Variants in PTGIS observed in about 807,000 individuals in gnomAD.
The protein encoded by PTGIS is prostaglandin I2 synthase.
PTGIS carries 45 observed loss-of-function variants against 50.3 expected under a neutral mutation model. The ratio of observed to expected loss-of-function variants is 0.90; its 90% CI spans 0.70 to 1.15. The LOEUF (loss-of-function observed/expected upper bound fraction) is 1.15, where lower values mean the gene tolerates loss of function less well. Ranked by LOEUF, PTGIS falls within the 50% of genes most tolerant of loss-of-function variation. The pLI is 0.00. For synonymous variants in PTGIS, 260 were observed against 267.7 expected (o/e 0.97, Z 0.28); for missense variants, 668 against 661.3 (o/e 1.01, Z -0.11).
chr20:49,542,080 G>GA (rs1982245790), intron 4 of PTGIS, among the ~76,000 whole-genome samples: 1 of 152,190 alleles, frequency 6.6e-6, no homozygotes, highest in Admixed American at 6.5e-5. Context: ...CAAGGGAACA[G>GA]AAATAGCAAA....
intron 1 of PTGIS, among the ~76,000 whole-genome samples, chr20:49,557,912 C>G (rs957980487): frequency 2.6e-5 from 4 of 152,098 alleles, no homozygotes; most frequent in South Asian, 4.2e-4. Context: ...ACCTTTCCCC[C>G]GCTTTAAGTA....
intron 5 of PTGIS, among the ~76,000 whole-genome samples, chr20:49,538,618 C>G (rs1423655179): frequency 6.6e-6 from 1 of 152,026 alleles, no homozygotes; most frequent in Non-Finnish European, 1.5e-5. Context: ...GGGGTGAATA[C>G]TGGCTGGGAA....
chr20:49,535,462 T>C (rs1045727350), intron 5 of PTGIS, among the ~76,000 whole-genome samples: 2 of 152,188 alleles, frequency 1.3e-5, no homozygotes, highest in Non-Finnish European at 2.9e-5. Context: ...CAGAGGGAAA[T>C]GGCTAACTAC....
chr20:49,547,530 T>C (rs1427117272), intron 3 of PTGIS, among the ~76,000 whole-genome samples: 1 of 150,916 alleles, frequency 6.6e-6, no homozygotes, highest in Non-Finnish European at 1.5e-5. Flanking sequence ...AGCTAGGGAG[T>C]GATGGGGCTG....
At chr20:49,518,656 C>CA (rs55943621) in intron 6 of PTGIS, among the ~76,000 whole-genome samples, 44,898 of 141,074 alleles carry the variant, frequency 0.32, 7,400 homozygotes, top group South Asian at 0.52. Flanking sequence ...CTACTGAAGA[C>CA]AAAAAAAAAA....
chr20:49,513,878 C>A (rs907471139), intron 7 of PTGIS, among the ~76,000 whole-genome samples: 1 of 152,174 alleles, frequency 6.6e-6, no homozygotes, highest in Non-Finnish European at 1.5e-5. Flanking sequence ...TGGAGCCAAC[C>A]CAGTGGGAAA....
At chr20:49,536,198 T>C (rs926332840) in intron 5 of PTGIS, among the ~76,000 whole-genome samples, 2 of 152,198 alleles carry the variant, frequency 1.3e-5, no homozygotes, top group Admixed American at 1.3e-4. Flanking sequence ...CATGCTAACA[T>C]TGGCTTCACA....
At chr20:49,558,180 G>A (rs918198639) in intron 1 of PTGIS, among the ~76,000 whole-genome samples, 2 of 152,214 alleles carry the variant, frequency 1.3e-5, no homozygotes, top group Non-Finnish European at 2.9e-5. Flanking sequence ...CTTGATCCTA[G>A]GAGTTCAAGA....
chr20:49,524,294 G>C lies in PTGIS; in HGVS notation c.674-55C>G, dbSNP rs548410598. On this transcript the variant is annotated intron_variant, in intron 5 of 9. Coordinates refer to ENST00000244043, the MANE Select transcript of PTGIS (RefSeq NM_000961.4). ...TTACAGATTCACCATCCCACACCCAGGGCTGGCCAGGCATGACCTCCCATG... is the reference window on the plus strand; with the variant it reads ...TTACAGATTCACCATCCCACACCCACGGCTGGCCAGGCATGACCTCCCATG... 9 of 1,592,560 alleles carry C rather than the reference G, an allele frequency of 5.7e-6. No homozygotes were observed. The South Asian group carries it at 1.0e-4, about 18-fold the overall frequency.
intron 1 of PTGIS, 64 bp downstream of exon 1, chr20:49,567,979 G>T: frequency 7.1e-7 from 1 of 1,416,170 alleles, no homozygotes; most frequent in Non-Finnish European, 9.2e-7. Context: ...GAGACCCTTG[G>T]GCTGCAGCCC....
chr20:49,539,537 C>G, intron 5 of PTGIS, 33 bp downstream of exon 5: 1 of 1,607,570 alleles, frequency 6.2e-7, no homozygotes, highest in African/African-American at 1.3e-5. Flanking sequence ...TTCCATCCTC[C>G]CCCCCACCCA....
At chr20:49,561,781 G>A (rs1047283167) in intron 1 of PTGIS, among the ~76,000 whole-genome samples, 1 of 152,160 alleles carries the variant, frequency 6.6e-6, no homozygotes, top group Non-Finnish European at 1.5e-5. Context: ...CAAGGATGAG[G>A]GGAGTTACAG....
At chr20:49,533,823 T>G (rs1023273043) in intron 5 of PTGIS, among the ~76,000 whole-genome samples, 1 of 151,738 alleles carries the variant, frequency 6.6e-6, no homozygotes, top group African/African-American at 2.4e-5. Flanking sequence ...TATCCGGGGG[T>G]GGTGGTACGT....
At chr20:49,514,058 G>A (rs541024757) in intron 7 of PTGIS, among the ~76,000 whole-genome samples, 169 bp downstream of exon 7, 76 of 152,344 alleles carry the variant, frequency 5.0e-4, no homozygotes, top group African/African-American at 1.8e-3. Flanking sequence ...CCCTAGCTGA[G>A]GCTGGAGTAT....
chr20:49,524,949 G>C (rs1981758012), intron 5 of PTGIS, among the ~76,000 whole-genome samples: 1 of 152,180 alleles, frequency 6.6e-6, no homozygotes, highest in South Asian at 2.1e-4. Flanking sequence ...ATAAATGGTA[G>C]TTCTTTCCAG....
In PTGIS at chr20:49,506,903, A is replaced by G. The variant is rs1021555271; in HGVS notation, c.*1017T>C. 1 of 152,274 alleles carries G rather than the reference A, an allele frequency of 6.6e-6. No homozygotes were observed. The highest frequency in any genetic ancestry group is 1.5e-5 in the Non-Finnish European group (1 of 68,060). The allele number at this position is 152,274 out of a possible 1,614,324, so 9.4% of individuals were successfully genotyped here. On this transcript the variant is annotated 3_prime_UTR_variant, in exon 10 of 10. Coordinates refer to ENST00000244043, the MANE Select transcript of PTGIS (RefSeq NM_000961.4). The stretch of plus-strand genomic sequence containing the variant: ...TGCATAAGGGAGGCGGCTGCCACTC[A>G]GCTCTGGCCAAGAGTTACCCTTGGG...
chr20:49,566,116 G>A (rs1433727611), intron 1 of PTGIS, among the ~76,000 whole-genome samples: 1 of 152,300 alleles, frequency 6.6e-6, no homozygotes, highest in African/African-American at 2.4e-5. Flanking sequence ...TGTAATCCCA[G>A]CTACTGGGGA....
intron 5 of PTGIS, among the ~76,000 whole-genome samples, chr20:49,528,403 G>C (rs1981845009): frequency 6.6e-6 from 1 of 152,082 alleles, no homozygotes. Flanking sequence ...CCTGAGGTCA[G>C]GAGTTCGAGA....
chr20:49,524,126 G>C lies in PTGIS; in HGVS notation c.787C>G (p.Leu263Val), dbSNP rs765485973. 1 of 1,614,232 alleles carries C rather than the reference G, an allele frequency of 6.2e-7. No homozygotes were observed. Among genetic ancestry groups the C allele is most frequent in the South Asian group, 1.1e-5 (1 of 91,076 alleles). The change falls in exon 6 of 10, where the codon CTG (leucine) becomes GTG (valine). Residue 263 changes from leucine to valine, a missense_variant. Coordinates refer to ENST00000244043, the MANE Select transcript of PTGIS (RefSeq NM_000961.4). ...TCCTCTGACACACCCATCTCCTCCA[G>C]GTGCAGCAGGTAACTCTCCAGCCAT... The part of the protein sequence containing the change: ...SKWLESYLLH[L>V]EEMGVSEEMQ...
Sources: gnomAD v4.1 joint callset for allele counts (sites outside exome capture counted in the v4.1 genomes callset) on GRCh38, gnomAD v4.1.1 for gene constraint, MANE v1.5 for transcripts, NCBI Gene and HGNC (gene_info 2026-07-23, HGNC 2026-07-21) for gene names.